Variants in SENP7 observed in about 807,000 individuals in gnomAD.
SENP7 encodes SUMO specific peptidase 7, also known as sentrin-specific protease 7.
In SENP7, 64 loss-of-function variants were observed where a neutral mutation model predicts 141.2. The ratio of observed to expected loss-of-function variants is 0.45; its 90% CI spans 0.37 to 0.56. The LOEUF (loss-of-function observed/expected upper bound fraction) is 0.56. SENP7 is among the 20% of genes least tolerant of loss of function. SENP7 has a pLI of 0.00. For synonymous variants in SENP7, 382 were observed against 426.4 expected (o/e 0.90, Z 1.28); for missense variants, 1,025 against 1,212.2 (o/e 0.85, Z 2.29).
intron 1 of SENP7, among the ~76,000 whole-genome samples, chr3:101,501,659 C>T (rs2065385997): frequency 6.6e-6 from 1 of 152,142 alleles, no homozygotes; most frequent in Non-Finnish European, 1.5e-5. Flanking sequence ...TTATAACTTC[C>T]AACCAGCAAA....
chr3:101,510,208 C>G (rs754281602), intron 1 of SENP7, among the ~76,000 whole-genome samples: 7 of 152,314 alleles, frequency 4.6e-5, no homozygotes, highest in Middle Eastern at 3.4e-3. Context: ...TTCAGTGAAC[C>G]TGTCTCTGAT....
chr3:101,441,689 C>A (rs2062680753), intron 4 of SENP7, among the ~76,000 whole-genome samples: 2 of 152,100 alleles, frequency 1.3e-5, no homozygotes, highest in Admixed American at 1.3e-4. Flanking sequence ...CCTGCCTGGA[C>A]CCTAACCACC....
intron 6 of SENP7, among the ~76,000 whole-genome samples, chr3:101,390,705 T>C (rs2060794632): frequency 6.6e-6 from 1 of 152,080 alleles, no homozygotes; most frequent in African/African-American, 2.4e-5. Flanking sequence ...AAGACAGAAA[T>C]TGAACAACAA....
rs577487063 is a variant in SENP7 at position 101,491,320 on chromosome 3, G to A, written c.186+2553C>T. 9.5e-4 allele frequency among the ~76,000 whole-genome samples: 83 copies of A among 87,162 alleles called. 1 individual carries two copies. The highest frequency in any genetic ancestry group is 2.8e-3 in the African/African-American group (76 of 27,484). The allele number at this position is 87,162 out of a possible 152,430, so 57.2% of individuals were successfully genotyped here. On this transcript the variant is annotated intron_variant, in intron 3 of 23. Transcript: ENST00000394095. The stretch of plus-strand genomic sequence containing the variant: ...TAATTTTTAGTAGAAACAGGATCTC[G>A]CTATATTTCCTAGGCTGGTCTCCAA...
At chr3:101,388,150 A>G (rs1193964498) in intron 6 of SENP7, among the ~76,000 whole-genome samples, 1 of 152,184 alleles carries the variant, frequency 6.6e-6, no homozygotes, top group Non-Finnish European at 1.5e-5. Context: ...CACTGCCACC[A>G]TGACACCTGA....
rs1420889231 is a variant in SENP7 at position 101,337,559 on chromosome 3, T to C, written c.2430A>G (p.Lys810=). 1.9e-6 allele frequency: 3 copies of C among 1,584,186 alleles called. No individual in the cohort carries two copies. Among genetic ancestry groups the C allele is most frequent in the Non-Finnish European group, 8.7e-7 (1 of 1,155,100 alleles). ...RSHIFSSFFY[K]CLTRKENNLT... is the part of the protein sequence containing the mutation. ...AATTATTTTCCTTTCTTGTCAAGCA[T>C]TTATAGAAAAAGCTACTAAAAATGT... The change falls in exon 17 of 24, where the codon AAA becomes AAG. Residue 810 remains lysine (K), a synonymous_variant. Coordinates refer to ENST00000394095, the MANE Select transcript of SENP7 (RefSeq NM_020654.5).
intron 17 of SENP7, chr3:101,333,246 G>T (rs191393931): frequency 1.8e-5 from 3 of 170,822 alleles, no homozygotes; most frequent in Non-Finnish European, 3.7e-5. Context: ...CATTAGGGAG[G>T]TTTTAAAACT....
chr3:101,330,275 G>A, intron 20 of SENP7, 59 bp downstream of exon 20: 3 of 1,274,522 alleles, frequency 2.4e-6, no homozygotes, highest in Non-Finnish European at 3.4e-6. Context: ...CTATTTTACA[G>A]ATAACATTAT....
chr3:101,348,063 A>T lies in SENP7; in HGVS notation c.1658-12T>A, dbSNP rs1434002014. ...CTCATTCAGGGACACTGAAACAAAT[A>T]AAAGACAACAATTTAAAAAATTAAT... On this transcript the variant is annotated splice_polypyrimidine_tract_variant and intron_variant, in intron 12 of 23. Transcript: ENST00000394095. The T allele has an allele frequency of 1.9e-6, 3 of 1,544,854 alleles. No individual in the cohort carries two copies. The African/African-American group carries it at 4.2e-5, about 21-fold the overall frequency.
chr3:101,511,620 A>G (rs1475636795), intron 1 of SENP7, among the ~76,000 whole-genome samples: 1 of 152,166 alleles, frequency 6.6e-6, no homozygotes, highest in African/African-American at 2.4e-5. Flanking sequence ...GGAAAAAACT[A>G]TTATCTCCAG....
intron 4 of SENP7, among the ~76,000 whole-genome samples, chr3:101,445,146 C>G (rs897765581): frequency 1.3e-5 from 2 of 152,016 alleles, no homozygotes; most frequent in African/African-American, 2.4e-5. Context: ...AATTTCTCAA[C>G]AAAAACTTTC....
At chr3:101,483,242 A>G (rs1386313390) in intron 3 of SENP7, among the ~76,000 whole-genome samples, 1 of 152,216 alleles carries the variant, frequency 6.6e-6, no homozygotes, top group African/African-American at 2.4e-5. Flanking sequence ...GTACATACAC[A>G]CCATGGAATG....
intron 4 of SENP7, among the ~76,000 whole-genome samples, chr3:101,454,982 AT>A (rs2063301248): frequency 6.6e-6 from 1 of 152,226 alleles, no homozygotes; most frequent in Admixed American, 6.5e-5. Flanking sequence ...AAATGGGTGA[AT>A]TTTATGATAT....
chr3:101,345,772 A>G (rs1022946970), intron 13 of SENP7, among the ~76,000 whole-genome samples: 12 of 152,222 alleles, frequency 7.9e-5, no homozygotes, highest in African/African-American at 2.9e-4. Flanking sequence ...TCAACTCAAA[A>G]TGGATCAAAG....
intron 10 of SENP7, 94 bp from the exon 11 acceptor site, chr3:101,361,955 T>A (rs1375366523): frequency 2.2e-6 from 3 of 1,337,622 alleles, no homozygotes; most frequent in Non-Finnish European, 3.0e-6. Flanking sequence ...TTTAAATTAC[T>A]ATTAGTGAAT....
intron 4 of SENP7, chr3:101,457,179 A>G: frequency 8.7e-7 from 1 of 1,149,768 alleles, no homozygotes; most frequent in Non-Finnish European, 1.3e-6. Context: ...AAAAGTAGTC[A>G]TAATATAAAA....
At chr3:101,369,278 T>G (rs2107415278) in intron 7 of SENP7, among the ~76,000 whole-genome samples, 1 of 152,346 alleles carries the variant, frequency 6.6e-6, no homozygotes, top group East Asian at 1.9e-4. Context: ...TTGCCTTTAA[T>G]TCACAATTTT....
chr3:101,471,892 C>T (rs1404055248), intron 3 of SENP7, among the ~76,000 whole-genome samples: 3 of 152,146 alleles, frequency 2.0e-5, no homozygotes, highest in Non-Finnish European at 4.4e-5. Flanking sequence ...CCAACAGACA[C>T]ATGAAAAAAC....
intron 3 of SENP7, among the ~76,000 whole-genome samples, chr3:101,464,380 G>A (rs1295930038): frequency 6.6e-6 from 1 of 152,064 alleles, no homozygotes; most frequent in African/African-American, 2.4e-5. Context: ...GAGGTGAGCG[G>A]CAAGTGAGCA....
Sources: allele counts gnomAD v4.1 joint callset (sites outside exome capture counted in the v4.1 genomes callset), GRCh38; gene constraint gnomAD v4.1.1; transcripts MANE v1.5; gene names NCBI Gene and HGNC (gene_info 2026-07-23, HGNC 2026-07-21).